MLLT1: variants seen among roughly 807,000 people sequenced by gnomAD.
The protein encoded by MLLT1 is MLLT1 super elongation complex subunit.
A neutral mutation model predicts 55.1 loss-of-function variants in MLLT1; 11 were observed. That is an observed-to-expected ratio of 0.20 (90% CI 0.13 to 0.33). The LOEUF (loss-of-function observed/expected upper bound fraction) is 0.33. Among genes scored for constraint, MLLT1 ranks in the 10% least tolerant of loss-of-function variants. The pLI, the probability that MLLT1 is intolerant of heterozygous loss-of-function variation, is 1.00. For synonymous variants in MLLT1, 323 were observed against 320.1 expected (o/e 1.01, Z -0.10); for missense variants, 536 against 760.6 (o/e 0.70, Z 3.47).
chr19:6,261,226 C>A (rs1459851080), intron 3 of MLLT1, among the ~76,000 whole-genome samples: 2 of 152,238 alleles, frequency 1.3e-5, no homozygotes, highest in African/African-American at 4.8e-5. Flanking sequence ...TCAATTCCAA[C>A]AAAGCCTCAG....
rs771393224 is a variant in MLLT1 at position 6,214,020 on chromosome 19, G to A, written c.1326C>T (p.Ser442=). 6.2e-6 allele frequency: 9 copies of A among 1,446,340 alleles called. No homozygotes were observed. The highest frequency in any genetic ancestry group is 2.5e-5 in the East Asian group (1 of 40,102). 89.6% of individuals were successfully genotyped at this position (1,446,340 alleles called of 1,614,324 possible). ...AGGAGTCGGCGCTGTTGTCACTCTC[G>A]CTGTCGCTGAAGCTCAACCTGAACC... ...GRDSRLSFSD[S]ESDNSADSSL... The change falls in exon 9 of 12, where the codon AGC becomes AGT. Residue 442 remains serine, a synonymous_variant. Coordinates refer to ENST00000252674, the MANE Select transcript of MLLT1 (RefSeq NM_005934.4).
intron 2 of MLLT1, among the ~76,000 whole-genome samples, chr19:6,268,043 A>C (rs1480074470): frequency 6.6e-6 from 1 of 152,218 alleles, no homozygotes; most frequent in African/African-American, 2.4e-5. Flanking sequence ...AAGATGAAGA[A>C]GTCATATGTA....
At chr19:6,275,262 C>A (rs1297969924) in intron 1 of MLLT1, among the ~76,000 whole-genome samples, 1 of 152,190 alleles carries the variant, frequency 6.6e-6, no homozygotes, top group Non-Finnish European at 1.5e-5. Context: ...CATCTAATTC[C>A]CTCGGAGGCA....
intron 2 of MLLT1, among the ~76,000 whole-genome samples, chr19:6,269,912 A>G (rs1600219235): frequency 6.6e-6 from 1 of 152,146 alleles, no homozygotes; most frequent in Non-Finnish European, 1.5e-5. Context: ...ACGCGGCCCC[A>G]GCCCTGATGG....
chr19:6,223,747 C>T (rs141339493), intron 5 of MLLT1, among the ~76,000 whole-genome samples: 3 of 152,170 alleles, frequency 2.0e-5, no homozygotes, highest in Non-Finnish European at 4.4e-5. Flanking sequence ...ACTGCCAGCA[C>T]TCCCCACGGT....
chr19:6,211,740 C>T lies in MLLT1; in HGVS notation c.*1302G>A, dbSNP rs1232680094. The T allele has an allele frequency of 1.9e-6, 2 of 1,064,542 alleles. No homozygotes were observed. The highest frequency in any genetic ancestry group is 2.3e-6 in the Non-Finnish European group (2 of 878,850). The allele number at this position is 1,064,542 out of a possible 1,614,324, so 65.9% of individuals were successfully genotyped here. On this transcript the variant is annotated 3_prime_UTR_variant, in exon 12 of 12. Transcript: ENST00000252674. The surrounding 1 kb of genome is among the most constrained non-coding windows in gnomAD (Gnocchi z 4.6). ...AGGCTAACCAGGCAGGCCTCCAGCC[C>T]CTGGGACCCCCAGCCACGATGGGCT...
At chr19:6,244,268 C>T (rs906158618) in intron 3 of MLLT1, among the ~76,000 whole-genome samples, 2 of 151,702 alleles carry the variant, frequency 1.3e-5, no homozygotes, top group African/African-American at 4.8e-5. Context: ...TTCACTGGGC[C>T]TAGACTTGGT....
chr19:6,235,286 T>C lies in MLLT1; in HGVS notation c.277-4573A>G, dbSNP rs950201425. On this transcript the variant is annotated intron_variant, in intron 3 of 11. Transcript: ENST00000252674. The surrounding 1 kb of genome is among the most constrained non-coding windows in gnomAD (Gnocchi z 5.5). Reference sequence around the variant, plus strand: ...GGATGAACGTGGCTGGGGGGCATCCTCGTGCAGAAAGCCTGGGGCCTGAGG... The same window carrying C: ...GGATGAACGTGGCTGGGGGGCATCCCCGTGCAGAAAGCCTGGGGCCTGAGG... Among the ~76,000 whole-genome samples, 4 of 152,206 alleles carry C rather than the reference T, an allele frequency of 2.6e-5. No homozygotes were observed. The highest frequency in any genetic ancestry group is 2.0e-4 in the Admixed American group (3 of 15,288).
intron 6 of MLLT1, among the ~76,000 whole-genome samples, chr19:6,220,352 C>T (rs1005675414): frequency 3.9e-5 from 6 of 152,234 alleles, no homozygotes; most frequent in African/African-American, 1.4e-4. Context: ...GCCTGGGTCT[C>T]ACTCCCGCAC....
chr19:6,237,281 G>A (rs1441742788), intron 3 of MLLT1, among the ~76,000 whole-genome samples: 1 of 152,166 alleles, frequency 6.6e-6, no homozygotes, highest in Non-Finnish European at 1.5e-5. Flanking sequence ...CCCACCTGGA[G>A]GACACCCAGC....
At chr19:6,253,256 C>T (rs2091233444) in intron 3 of MLLT1, among the ~76,000 whole-genome samples, 1 of 116,812 alleles carries the variant, frequency 8.6e-6, no homozygotes, top group South Asian at 2.9e-4. Context: ...CAGAGCGAGA[C>T]CCCATCTCAA....
intron 3 of MLLT1, among the ~76,000 whole-genome samples, chr19:6,250,143 A>G (rs1223293039): frequency 6.6e-6 from 1 of 152,234 alleles, no homozygotes; most frequent in Admixed American, 6.5e-5. Context: ...AATGGCCAAT[A>G]AGCACATGAA....
rs1409742579 is a variant in MLLT1, at chr19:6,235,628, G to A, written c.277-4915C>T. On this transcript the variant is annotated intron_variant, in intron 3 of 11. Coordinates refer to ENST00000252674, the MANE Select transcript of MLLT1 (RefSeq NM_005934.4). This position sits in a 1 kb window ranked among gnomAD's most constrained non-coding sequence, Gnocchi z 5.5. The stretch of plus-strand genomic sequence containing the variant: ...CTGGCCACAGCTGTGCACCCTGGCT[G>A]CACAGCGAGTCCAGCCGCTTCTCCC... 1.3e-5 allele frequency among the ~76,000 whole-genome samples: 2 copies of A among 152,110 alleles called. No individual in the cohort carries two copies. Among genetic ancestry groups the A allele is most frequent in the South Asian group, 2.1e-4 (1 of 4,830 alleles).
In MLLT1 at chr19:6,227,300, C is replaced by G. The variant is rs890139151; in HGVS notation, c.421-198G>C. On this transcript the variant is annotated intron_variant, in intron 4 of 11. Transcript: ENST00000252674. This position sits in a 1 kb window ranked among gnomAD's most constrained non-coding sequence, Gnocchi z 5.1. Reference sequence around the variant, plus strand: ...AGAAGAAGCAGGCATGGGTGGGGAGCGAAGAAAAGCCCAGGGTCCCAGGAT... The same window carrying G: ...AGAAGAAGCAGGCATGGGTGGGGAGGGAAGAAAAGCCCAGGGTCCCAGGAT... Among the ~76,000 whole-genome samples the G allele has an allele frequency of 6.6e-6, 1 of 152,086 alleles. No individual in the cohort carries two copies. The highest frequency in any genetic ancestry group is 6.5e-5 in the Admixed American group (1 of 15,280).
At position 6,262,691 on chromosome 19, in the gene MLLT1, C is replaced by A. The variant is rs1015165462; in HGVS notation, c.194-381G>T. 6.6e-6 allele frequency among the ~76,000 whole-genome samples: 1 copy of A among 151,962 alleles called. No individual in the cohort carries two copies. The highest frequency in any genetic ancestry group is 1.5e-5 in the Non-Finnish European group (1 of 67,974). On this transcript the variant is annotated intron_variant, in intron 2 of 11. Coordinates refer to ENST00000252674, the MANE Select transcript of MLLT1 (RefSeq NM_005934.4). The surrounding 1 kb of genome is among the most constrained non-coding windows in gnomAD (Gnocchi z 4.4). The stretch of plus-strand genomic sequence containing the variant: ...AGCGTGACCTGGGTGAGGTGTGAAA[C>A]CCAGCAGGGAGGGCCACACACTCTA...
At chr19:6,233,173 A>G (rs1353147260) in intron 3 of MLLT1, among the ~76,000 whole-genome samples, 3 of 152,128 alleles carry the variant, frequency 2.0e-5, no homozygotes, top group South Asian at 2.1e-4. Flanking sequence ...GCAGTGCCGG[A>G]CGGCTCACAC....
At chr19:6,242,230 G>C (rs1290662718) in intron 3 of MLLT1, among the ~76,000 whole-genome samples, 1 of 152,210 alleles carries the variant, frequency 6.6e-6, no homozygotes, top group Non-Finnish European at 1.5e-5. Context: ...CCACTCTACA[G>C]AGGGTGGCGG....
In MLLT1 at chr19:6,216,461, G is replaced by T. The variant is rs368482950; in HGVS notation, c.1251C>A (p.Asp417Glu). ...EDLQSEESDEDDSSSGEEAAG... is the reference protein window; with the variant it reads ...EDLQSEESDEEDSSSGEEAAG... ...CAGCCTCCTCGCCTGACGAAGAGTCGTCCTCGTCGGACTCCTCGGACTGCA... is the reference window on the plus strand; with the variant it reads ...CAGCCTCCTCGCCTGACGAAGAGTCTTCCTCGTCGGACTCCTCGGACTGCA... Residue 417 changes from aspartate (D) to glutamate (E), a missense_variant, in exon 8 of 12, where the codon GAC becomes GAA. Coordinates refer to ENST00000252674, the MANE Select transcript of MLLT1 (RefSeq NM_005934.4). 8.1e-6 allele frequency: 13 copies of T among 1,608,986 alleles called. No individual in the cohort carries two copies. In the African/African-American group the frequency reaches 1.7e-4, roughly 21 times the overall value.
rs979387382 is a variant in MLLT1, at chr19:6,235,173, C to T, written c.277-4460G>A. ...ACCACCTTTGGGTGGGTGACGGCTA[C>T]GAGGGGGTTTGTTGCATCTGCCTCT... On this transcript the variant is annotated intron_variant, in intron 3 of 11. Coordinates refer to ENST00000252674, the MANE Select transcript of MLLT1 (RefSeq NM_005934.4). The surrounding 1 kb of genome is among the most constrained non-coding windows in gnomAD (Gnocchi z 5.5). Among the ~76,000 whole-genome samples, 2 of 152,170 alleles carry T rather than the reference C, an allele frequency of 1.3e-5. No homozygotes were observed. The highest frequency in any genetic ancestry group is 2.9e-5 in the Non-Finnish European group (2 of 68,024).
Sources: allele counts gnomAD v4.1 joint callset (sites outside exome capture counted in the v4.1 genomes callset), GRCh38; gene constraint gnomAD v4.1.1; non-coding constraint Gnocchi (gnomAD v3.1); transcripts MANE v1.5; gene names NCBI Gene and HGNC (gene_info 2026-07-23, HGNC 2026-07-21).